The following MAT2A variants were observed in gnomAD, a reference collection of about 807,000 sequenced individuals.
MAT2A encodes the protein S-adenosylmethionine synthase isoform type-2.
A neutral mutation model predicts 43.9 loss-of-function variants in MAT2A; 3 were observed. The ratio of observed to expected loss-of-function variants is 0.07; its 90% confidence interval spans 0.03 to 0.18. The LOEUF is 0.18. MAT2A is among the 10% of genes least tolerant of loss of function. The pLI is 1.00. For missense variants in MAT2A, 204 were observed against 489.0 expected (o/e 0.42, Z 5.50); for synonymous variants, 200 against 168.4 (o/e 1.19, Z -1.45).
At position 85,544,937 on chromosome 2, in the gene MAT2A, GAT is replaced by G. The variant is rs1691583351; in HGVS notation, c.*1166_*1167del. 6.6e-6 allele frequency: 1 copy of G among 152,296 alleles called. No individual in the cohort carries two copies. 9.4% of individuals were successfully genotyped at this position (152,296 alleles called of 1,614,324 possible). ...TCACCTCAGATGGCAGCTTTTAAAA[GAT>G]TTTTTTTTTTTCTCTCAACACCATG... On this transcript the variant is annotated 3_prime_UTR_variant, in exon 9 of 9. Coordinates refer to ENST00000306434, the MANE Select transcript of MAT2A (RefSeq NM_005911.6).
chr2:85,543,977 C>G lies in MAT2A; in HGVS notation c.*205C>G, dbSNP rs1457616314. On this transcript the variant is annotated 3_prime_UTR_variant, in exon 9 of 9. Coordinates refer to ENST00000306434, the MANE Select transcript of MAT2A (RefSeq NM_005911.6). ...CTATTCTGTCCCTAGGTGTTTTGTT[C>G]ACCATTATAATGAATTTAGTGAGCA... The G allele has an allele frequency of 2.0e-6, 1 of 490,146 alleles. No individual in the cohort carries two copies. The highest frequency in any genetic ancestry group is 2.0e-5 in the African/African-American group (1 of 50,768). The allele number at this position is 490,146 out of a possible 1,614,324, so 30.4% of individuals were successfully genotyped here. A position where few individuals can be genotyped will look rare whatever the true frequency, so the allele number is the denominator to read the frequency against.
At chr2:85,541,509 C>A in intron 3 of MAT2A, 124 bp from the exon 4 acceptor site, 1 of 1,323,222 alleles carries the variant, frequency 7.6e-7, no homozygotes, top group South Asian at 1.4e-5. Flanking sequence ...TCTGTTCATT[C>A]TCTAAAAGGT....
In MAT2A at chr2:85,541,365, G is replaced by C; in HGVS notation, c.280G>C (p.Asp94His). ...AGCTGTTAAACACATTGGATATGAT[G>C]ATTCTTCCAAAGGTGTGTTTTAATG... is the stretch of plus-strand genomic sequence containing the variant. ...REAVKHIGYD[D>H]SSKGFDYKTC... The change falls in exon 3 of 9, where the codon GAT becomes CAT. Residue 94 changes from aspartate (D) to histidine (H), a missense_variant. Physicochemically the swap from Asp to His is moderately conservative, Grantham distance 81. Around this residue, in one of 6 missense-constraint regions of MAT2A, gnomAD observed 103 missense variants for 226.4 expected, o/e 0.45. Coordinates refer to ENST00000306434, the MANE Select transcript of MAT2A (RefSeq NM_005911.6). 3 of 1,612,804 alleles carry C rather than the reference G, an allele frequency of 1.9e-6. No homozygotes were observed. The highest frequency in any genetic ancestry group is 2.5e-6 in the Non-Finnish European group (3 of 1,179,782).
chr2:85,543,215 A>G (rs1313797673), intron 8 of MAT2A, 181 bp downstream of exon 8: 2 of 652,226 alleles, frequency 3.1e-6, no homozygotes, highest in African/African-American at 3.6e-5. Flanking sequence ...GAAATTTAAA[A>G]TTACGGTGCT....
intron 1 of MAT2A, 181 bp downstream of exon 1, chr2:85,539,559 C>T (rs867019554): frequency 1.6e-5 from 8 of 485,946 alleles, no homozygotes; most frequent in African/African-American, 6.2e-5. Flanking sequence ...GGCCGCCGCT[C>T]CTCTTCCCCC....
At chr2:85,539,959 A>T (rs1691422494) in intron 1 of MAT2A, 1 of 152,440 alleles carries the variant, frequency 6.6e-6, no homozygotes, top group Admixed American at 6.5e-5. Flanking sequence ...CACACTGGAG[A>T]ATACGCACAT....
intron 1 of MAT2A, 183 bp downstream of exon 1, chr2:85,539,561 T>A: frequency 2.1e-6 from 1 of 485,870 alleles, no homozygotes; most frequent in Non-Finnish European, 3.7e-6. Context: ...CCGCCGCTCC[T>A]CTTCCCCCTC....
Position 85,544,915 on chromosome 2 carries a change from C to T in MAT2A, c.*1143C>T, listed in dbSNP as rs1194943870. 1 of 152,524 alleles carries T rather than the reference C, an allele frequency of 6.6e-6. No homozygotes were observed. The highest frequency in any genetic ancestry group is 1.5e-5 in the Non-Finnish European group (1 of 68,012). 9.4% of individuals were successfully genotyped at this position (152,524 alleles called of 1,614,324 possible). On this transcript the variant is annotated 3_prime_UTR_variant, in exon 9 of 9. Transcript: ENST00000306434. ...TGGCGTAAGTACAGAGAAGCCATCA[C>T]CTCAGATGGCAGCTTTTAAAAGATT...
rs1691518562 is a variant in MAT2A, at chr2:85,543,051, C to T, written c.1085+17C>T. ...CATTGTCAGGTAAAGATGGTAAAGC[C>T]TGTTGCTAGTCAAGTATTGAGGGTG... is the stretch of plus-strand genomic sequence containing the variant. On this transcript the variant is annotated intron_variant, in intron 8 of 8. Coordinates refer to ENST00000306434, the MANE Select transcript of MAT2A (RefSeq NM_005911.6). 2 of 1,609,984 alleles carry T rather than the reference C, an allele frequency of 1.2e-6. No homozygotes were observed. Among genetic ancestry groups the T allele is most frequent in the East Asian group, 4.5e-5 (2 of 44,880 alleles).
intron 3 of MAT2A, 123 bp downstream of exon 3, chr2:85,541,500 C>T: frequency 7.4e-7 from 1 of 1,342,314 alleles, no homozygotes; most frequent in Non-Finnish European, 1.0e-6. Context: ...AAGCCCTATT[C>T]TGTTCATTCT....
intron 1 of MAT2A, 145 bp from the exon 2 acceptor site, chr2:85,540,938 C>G (rs1017335533): frequency 1.6e-6 from 1 of 606,336 alleles, no homozygotes; most frequent in Non-Finnish European, 2.9e-6. Flanking sequence ...GAGGAAAGTG[C>G]AAACACAATG....
intron 8 of MAT2A, chr2:85,543,384 GT>G: frequency 2.4e-6 from 1 of 424,012 alleles, no homozygotes; most frequent in Non-Finnish European, 4.3e-6. Flanking sequence ...CGGGACCTTG[GT>G]AAGTATTGTG....
chr2:85,541,601 C>T (rs762316866), intron 3 of MAT2A, 32 bp from the exon 4 acceptor site: 29 of 1,512,108 alleles, frequency 1.9e-5, no homozygotes, highest in African/African-American at 2.8e-5. Flanking sequence ...ATTTCTAGGA[C>T]GTAAACAAGA....
chr2:85,542,031 T>A, intron 5 of MAT2A, 59 bp downstream of exon 5: 1 of 1,595,984 alleles, frequency 6.3e-7, no homozygotes, highest in Non-Finnish European at 8.6e-7. Flanking sequence ...AGAAGATCCA[T>A]AATTTTGATA....
Position 85,541,935 on chromosome 2 carries a change from G to A in MAT2A, c.512G>A (p.Gly171Asp), listed in dbSNP as rs1378508609. The A allele has an allele frequency of 4.3e-6, 7 of 1,614,234 alleles. No individual in the cohort carries two copies. The highest frequency in any genetic ancestry group is 5.9e-6 in the Non-Finnish European group (7 of 1,180,034). ...NAKLAELRRNGTLPWLRPDSK... is the reference protein window; with the variant it reads ...NAKLAELRRNDTLPWLRPDSK... Reference sequence around the variant, plus strand: ...AAACTGGCAGAACTACGCCGTAATGGCACTTTGCCTTGGTTACGCCCTGAT... The same window carrying A: ...AAACTGGCAGAACTACGCCGTAATGACACTTTGCCTTGGTTACGCCCTGAT... Residue 171 changes from glycine to aspartate, a missense_variant, in exon 5 of 9, where the codon GGC (glycine) becomes GAC (aspartate). This residue lies in a region of MAT2A where 103 missense variants were observed against 226.4 expected (regional missense o/e 0.45). Coordinates refer to ENST00000306434, the MANE Select transcript of MAT2A (RefSeq NM_005911.6).
Position 85,539,191 on chromosome 2 carries a change from C to T in MAT2A, c.-97C>T, listed in dbSNP as rs137950023. ...TCGTTCGCTCCGCGCCGCCCGCCTG[C>T]TACGAGTAGAACGCTGTCCGCAGCT... is the stretch of plus-strand genomic sequence containing the variant. On this transcript the variant is annotated 5_prime_UTR_variant, in exon 1 of 9. Transcript: ENST00000306434. 4 of 877,632 alleles carry T rather than the reference C, an allele frequency of 4.6e-6. No homozygotes were observed. Among genetic ancestry groups the T allele is most frequent in the Admixed American group, 2.3e-5 (1 of 43,662 alleles). The allele number at this position is 877,632 out of a possible 1,614,324, so 54.4% of individuals were successfully genotyped here.
At chr2:85,543,165 A>G (rs1023981560) in intron 8 of MAT2A, 131 bp downstream of exon 8, 67 of 1,045,638 alleles carry the variant, frequency 6.4e-5, no homozygotes, top group Non-Finnish European at 8.6e-5. Flanking sequence ...TTCCTGGAAC[A>G]GTTTTGAACT....
chr2:85,539,332 G>A lies in MAT2A; in HGVS notation c.45G>A (p.Glu15=), dbSNP rs1481804977. ...LNGFHEAFIE[E]GTFLFTSESV... Reference sequence around the variant, plus strand: ...GCTTCCACGAGGCGTTCATCGAGGAGGGCACATTCCTTTTCACCTCAGAGT... The same window carrying A: ...GCTTCCACGAGGCGTTCATCGAGGAAGGCACATTCCTTTTCACCTCAGAGT... Residue 15 remains glutamate (E), a synonymous_variant, in exon 1 of 9, where the codon GAG becomes GAA. Coordinates refer to ENST00000306434, the MANE Select transcript of MAT2A (RefSeq NM_005911.6). The A allele has an allele frequency of 6.2e-7, 1 of 1,607,100 alleles. No individual in the cohort carries two copies. The highest frequency in any genetic ancestry group is 8.5e-7 in the Non-Finnish European group (1 of 1,177,182).
rs1440227577 is a variant in MAT2A, at chr2:85,544,740, T to C, written c.*968T>C. 1 of 152,626 alleles carries C rather than the reference T, an allele frequency of 6.6e-6. No homozygotes were observed. Among genetic ancestry groups the C allele is most frequent in the African/African-American group, 2.4e-5 (1 of 41,440 alleles). The allele number at this position is 152,626 out of a possible 1,614,324, so 9.5% of individuals were successfully genotyped here. On this transcript the variant is annotated 3_prime_UTR_variant, in exon 9 of 9. Coordinates refer to ENST00000306434, the MANE Select transcript of MAT2A (RefSeq NM_005911.6). ...TCCCAGGGTTTTAACTTTGTTTTAT[T>C]TTCAAAACCAGGTCCAATGAGCTTT...
Sources: gnomAD v4.1 joint callset for allele counts on GRCh38, gnomAD v4.1.1 for gene constraint, gnomAD v4.1.1 regional missense constraint, MANE v1.5 for transcripts, NCBI Gene and HGNC (gene_info 2026-07-23, HGNC 2026-07-21) for gene names.